Variants in SLC44A1 observed in about 807,000 individuals in gnomAD.
SLC44A1 encodes the protein solute carrier family 44 member 1.
SLC44A1 carries 26 observed loss-of-function variants against 79.3 expected under a neutral mutation model. The ratio of observed to expected loss-of-function variants is 0.33; its 90% CI spans 0.24 to 0.46. SLC44A1 has a LOEUF of 0.46. Among genes scored for constraint, SLC44A1 ranks in the 20% least tolerant of loss-of-function variants. The probability of loss-of-function intolerance (pLI) is 1.00; values close to 1 mark genes in which losing one functional copy is unlikely to be tolerated. For missense variants in SLC44A1, 688 were observed against 798.1 expected (o/e 0.86, Z 1.66); for synonymous variants, 263 against 286.2 (o/e 0.92, Z 0.82).
At chr9:105,416,456 C>T (rs898002291) in intron 15 of SLC44A1, among the ~76,000 whole-genome samples, 1 of 151,736 alleles carries the variant, frequency 6.6e-6, no homozygotes, top group East Asian at 1.9e-4. Flanking sequence ...TATAATGTGT[C>T]ACAGTAGTTG....
rs1564393404 is a variant in SLC44A1 at position 105,244,759 on chromosome 9, C to T, written c.-110C>T. 3.9e-6 allele frequency: 2 copies of T among 513,554 alleles called. No homozygotes were observed. The highest frequency in any genetic ancestry group is 5.6e-6 in the Non-Finnish European group (2 of 359,692). The allele number at this position is 513,554 out of a possible 1,614,324, so 31.8% of individuals were successfully genotyped here. A position where few individuals can be genotyped will look rare whatever the true frequency, so the allele number is the denominator to read the frequency against. Reference sequence around the variant, plus strand: ...GCTGCAGCCGCCGCCGCCGCCTAGCCGTGCGGTGCCAGGCCGCGCCCTCCC... The same window carrying T: ...GCTGCAGCCGCCGCCGCCGCCTAGCTGTGCGGTGCCAGGCCGCGCCCTCCC... On this transcript the variant is annotated 5_prime_UTR_variant, in exon 1 of 16. Coordinates refer to ENST00000374720, the MANE Select transcript of SLC44A1 (RefSeq NM_080546.5).
chr9:105,423,264 G>C (rs1829277445), intron 15 of SLC44A1, among the ~76,000 whole-genome samples: 1 of 152,148 alleles, frequency 6.6e-6, no homozygotes, highest in African/African-American at 2.4e-5. Flanking sequence ...AGGAGTTCGA[G>C]ATCAGCCTGA....
intron 1 of SLC44A1, among the ~76,000 whole-genome samples, chr9:105,273,513 T>C (rs1033175902): frequency 1.3e-5 from 2 of 152,218 alleles, no homozygotes; most frequent in Non-Finnish European, 2.9e-5. Context: ...TTGAACAGGA[T>C]TGATTTGAAA....
intron 1 of SLC44A1, among the ~76,000 whole-genome samples, chr9:105,249,845 T>C (rs1829541630): frequency 6.6e-6 from 1 of 150,778 alleles, no homozygotes; most frequent in South Asian, 2.1e-4. Context: ...AATTCCCAAA[T>C]CTTAAATTGC....
At chr9:105,401,904 G>A (rs1327602115), downstream of SLC44A1, among the ~76,000 whole-genome samples, 1 of 152,182 alleles carries the variant, frequency 6.6e-6, no homozygotes, top group African/African-American at 2.4e-5. Context: ...TGATAGTAGA[G>A]AGTGCTTTGG....
intron 3 of SLC44A1, among the ~76,000 whole-genome samples, chr9:105,319,633 G>A (rs1826323024): frequency 6.6e-6 from 1 of 152,040 alleles, no homozygotes; most frequent in Non-Finnish European, 1.5e-5. Flanking sequence ...AATAGTATGT[G>A]GAGTGGTCTA....
chr9:105,393,930 AT>A lies in SLC44A1; in HGVS notation c.*4875del. 1 of 984,542 alleles carries A rather than the reference AT, an allele frequency of 1.0e-6. No homozygotes were observed. The highest frequency in any genetic ancestry group is 1.2e-6 in the Non-Finnish European group (1 of 829,132). The allele number at this position is 984,542 out of a possible 1,614,324, so 61.0% of individuals were successfully genotyped here. ...AACATGGAAACATTGTAATTTACAA[AT>A]GTCTCAGAAATTTCTCACTTTTATT... On this transcript the variant is annotated 3_prime_UTR_variant, in exon 16 of 16. Coordinates refer to ENST00000374720, the MANE Select transcript of SLC44A1 (RefSeq NM_080546.5).
At chr9:105,432,707 C>T (rs947495532) in intron 15 of SLC44A1, among the ~76,000 whole-genome samples, 2 of 152,110 alleles carry the variant, frequency 1.3e-5, no homozygotes, top group Non-Finnish European at 2.9e-5. Context: ...GAAACATAAC[C>T]CTGAACCTTG....
Position 105,374,654 on chromosome 9 carries a change from T to C in SLC44A1, c.1551T>C (p.Asp517=). 6.2e-7 allele frequency: 1 copy of C among 1,613,936 alleles called. No homozygotes were observed. Among genetic ancestry groups the C allele is most frequent in the Non-Finnish European group, 8.5e-7 (1 of 1,179,790 alleles). The stretch of plus-strand genomic sequence containing the variant: ...CCAACTTCTGCACCTCAGCAAAGGA[T>C]GCCTTTGTCATTCTGGTGGAGAATG... The part of the protein sequence containing the change: ...NSTNFCTSAK[D]AFVILVENAL... Residue 517 remains aspartate (D), a synonymous_variant, in exon 13 of 16, where the codon GAT becomes GAC. Transcript: ENST00000374720.
chr9:105,389,419 A>G lies in SLC44A1; in HGVS notation c.*363A>G. ...ACTTTATTTAAAAATAGGTAAAATT[A>G]TTGTACCTAATTATGTCTAAAGTTT... On this transcript the variant is annotated 3_prime_UTR_variant, in exon 16 of 16. Coordinates refer to ENST00000374720, the MANE Select transcript of SLC44A1 (RefSeq NM_080546.5). 1 of 1,034,822 alleles carries G rather than the reference A, an allele frequency of 9.7e-7. No individual in the cohort carries two copies. The highest frequency in any genetic ancestry group is 1.7e-5 in the African/African-American group (1 of 59,434). 64.1% of individuals were successfully genotyped at this position (1,034,822 alleles called of 1,614,324 possible).
chr9:105,419,243 G>T (rs1829213102), intron 15 of SLC44A1, among the ~76,000 whole-genome samples: 1 of 152,196 alleles, frequency 6.6e-6, no homozygotes, highest in South Asian at 2.1e-4. Context: ...CAAAGCTGGT[G>T]CCTGATATGG....
chr9:105,425,063 T>C (rs1829303108), intron 15 of SLC44A1, among the ~76,000 whole-genome samples: 1 of 152,150 alleles, frequency 6.6e-6, no homozygotes, highest in African/African-American at 2.4e-5. Context: ...ATTTGGAATA[T>C]ATGGTAAATA....
chr9:105,346,008 A>C (rs1027727672), intron 4 of SLC44A1, among the ~76,000 whole-genome samples: 10 of 150,872 alleles, frequency 6.6e-5, no homozygotes, highest in African/African-American at 2.0e-4. Context: ...AAAAAAAAAA[A>C]CACATACTAC....
rs563340467 is a variant in SLC44A1 at position 105,376,790 on chromosome 9, A to G, written c.1632+2055A>G. ...GATTAAGATACTTTGGGTACCAGGC[A>G]ATGAGTGAAGGGCTTTTGTTAAGTG... is the stretch of plus-strand genomic sequence containing the variant. On this transcript the variant is annotated intron_variant, in intron 13 of 15. Coordinates refer to ENST00000374720, the MANE Select transcript of SLC44A1 (RefSeq NM_080546.5). 5.5e-4 allele frequency among the ~76,000 whole-genome samples: 84 copies of G among 152,342 alleles called. 1 individual carries two copies. Among genetic ancestry groups the G allele is most frequent in the African/African-American group, 1.9e-3 (81 of 41,576 alleles).
At chr9:105,387,060 A>AAAAAAAAAAAAAAAAATATATATAT (rs34780893) in intron 15 of SLC44A1, among the ~76,000 whole-genome samples, 2 of 7,730 alleles carry the variant, frequency 2.6e-4, no homozygotes, top group Non-Finnish European at 2.4e-4. Flanking sequence ...AAAAAAAAAA[A>AAAAAAAAAAAAAAAAATATATATAT]ATATATATAT....
At chr9:105,337,145 G>C (rs1422517162) in intron 4 of SLC44A1, among the ~76,000 whole-genome samples, 1 of 152,098 alleles carries the variant, frequency 6.6e-6, no homozygotes, top group African/African-American at 2.4e-5. Flanking sequence ...GGAGGGGTGA[G>C]CCCTTCCTTA....
chr9:105,389,110 T>G lies in SLC44A1; in HGVS notation c.*54T>G, dbSNP rs925932073. 3.1e-5 allele frequency: 49 copies of G among 1,597,860 alleles called. No individual in the cohort carries two copies. Among genetic ancestry groups the G allele is most frequent in the Middle Eastern group, 1.7e-4 (1 of 6,050 alleles). Reference sequence around the variant, plus strand: ...GACATTCCAAAACAATATATACACATAACTATGTATTTGTGTGTGTGGGTG... The same window carrying G: ...GACATTCCAAAACAATATATACACAGAACTATGTATTTGTGTGTGTGGGTG... On this transcript the variant is annotated 3_prime_UTR_variant, in exon 16 of 16. Transcript: ENST00000374720.
At chr9:105,281,476 G>A (rs1174373725) in intron 1 of SLC44A1, among the ~76,000 whole-genome samples, 1 of 152,178 alleles carries the variant, frequency 6.6e-6, no homozygotes, top group African/African-American at 2.4e-5. Context: ...GGCAGTGGTA[G>A]TATATGAATG....
chr9:105,394,525 T>C lies in SLC44A1; in HGVS notation c.*5469T>C. The C allele has an allele frequency of 1.0e-6, 1 of 977,496 alleles. No individual in the cohort carries two copies. The highest frequency in any genetic ancestry group is 1.2e-6 in the Non-Finnish European group (1 of 824,766). The allele number at this position is 977,496 out of a possible 1,614,324, so 60.6% of individuals were successfully genotyped here. On this transcript the variant is annotated 3_prime_UTR_variant, in exon 16 of 16. Coordinates refer to ENST00000374720, the MANE Select transcript of SLC44A1 (RefSeq NM_080546.5). ...GCAGTGAGCCAAAAAAAAAAAAATA[T>C]CCAAGAAGAAATAAATAGGGAATCC...
Sources: allele counts gnomAD v4.1 joint callset (sites outside exome capture counted in the v4.1 genomes callset), GRCh38; gene constraint gnomAD v4.1.1; transcripts MANE v1.5; gene names NCBI Gene and HGNC (gene_info 2026-07-23, HGNC 2026-07-21).